DRD3: variants seen among roughly 807,000 people sequenced by gnomAD.
DRD3 encodes the protein dopamine receptor D3.
In DRD3, 19 loss-of-function variants were observed where a neutral mutation model predicts 36.3. The observed-to-expected ratio is 0.52, with a 90% confidence interval of 0.36 to 0.77. The LOEUF (loss-of-function observed/expected upper bound fraction) is 0.77, where lower values mean the gene tolerates loss of function less well. Among genes scored for constraint, DRD3 ranks in the 30% least tolerant of loss-of-function variants. The pLI, the probability that DRD3 is intolerant of heterozygous loss-of-function variation, is 0.00. For missense variants in DRD3, 465 were observed against 505.3 expected, an observed-to-expected ratio of 0.92 and a Z score of 0.77; for synonymous variants, 195 against 203.7, an observed-to-expected ratio of 0.96 and a Z score of 0.36.
chr3:114,197,479 C>G (rs1451717471), intron 1 of DRD3, among the ~76,000 whole-genome samples: 1 of 151,946 alleles, frequency 6.6e-6, no homozygotes, highest in Non-Finnish European at 1.5e-5. Context: ...TTTACTAATA[C>G]TTTCCATTTA....
intron 3 of DRD3, among the ~76,000 whole-genome samples, chr3:114,152,545 T>G (rs2077627212): frequency 6.6e-6 from 1 of 152,214 alleles, no homozygotes; most frequent in Admixed American, 6.5e-5. Flanking sequence ...TTAGAATAAA[T>G]GAGGCCCCCG....
intron 5 of DRD3, among the ~76,000 whole-genome samples, chr3:114,132,491 TTCAGCAAACC>T (rs1404997211): frequency 6.6e-6 from 1 of 151,728 alleles, no homozygotes; most frequent in Admixed American, 6.6e-5. Flanking sequence ...GGTTGATAGA[TTCAGCAAACC>T]ACAATGGCAC....
chr3:114,170,117 G>C (rs543921056), intron 2 of DRD3, among the ~76,000 whole-genome samples: 2 of 152,108 alleles, frequency 1.3e-5, no homozygotes, highest in East Asian at 3.8e-4. Context: ...CACCTAAAGC[G>C]CCTCATTCTT....
chr3:114,159,426 C>A (rs1337609034), intron 3 of DRD3, among the ~76,000 whole-genome samples: 1 of 151,936 alleles, frequency 6.6e-6, no homozygotes, highest in Non-Finnish European at 1.5e-5. Context: ...GCTCACCTTT[C>A]CTCCTTCTCC....
chr3:114,154,330 T>C lies in DRD3; in HGVS notation c.383+5425A>G, dbSNP rs2077645385. ...GCCCTGTCCCAGGGTGGGAGATGTG[T>C]GTGTGTGTGTGTGTGTATGTGTGTG... On this transcript the variant is annotated intron_variant, in intron 3 of 6. Transcript: ENST00000383673. Among the ~76,000 whole-genome samples the C allele has an allele frequency of 2.0e-5, 3 of 147,790 alleles. No homozygotes were observed. The South Asian group carries it at 6.3e-4, about 31-fold the overall frequency.
intron 1 of DRD3, among the ~76,000 whole-genome samples, chr3:114,188,814 G>T (rs1423704198): frequency 6.6e-6 from 1 of 152,122 alleles, no homozygotes; most frequent in Non-Finnish European, 1.5e-5. Context: ...GGAAAAGAGG[G>T]GACACCTGAA....
chr3:114,154,519 C>G (rs889206081), intron 3 of DRD3, among the ~76,000 whole-genome samples: 9 of 152,180 alleles, frequency 5.9e-5, no homozygotes, highest in African/African-American at 1.7e-4. Context: ...ACAGGGGGCT[C>G]AATATATCTT....
intron 4 of DRD3, among the ~76,000 whole-genome samples, chr3:114,141,818 G>A (rs1004069375): frequency 1.3e-5 from 2 of 152,012 alleles, no homozygotes; most frequent in Admixed American, 6.5e-5. Context: ...TTGAGAGGCC[G>A]AGGCAGGTGG....
intron 5 of DRD3, among the ~76,000 whole-genome samples, chr3:114,139,037 C>A (rs2077499937): frequency 6.6e-6 from 1 of 152,180 alleles, no homozygotes; most frequent in African/African-American, 2.4e-5. Context: ...GCACCCTATC[C>A]CACCAGCTTG....
At chr3:114,149,785 G>A (rs1248715275) in intron 3 of DRD3, among the ~76,000 whole-genome samples, 1 of 152,220 alleles carries the variant, frequency 6.6e-6, no homozygotes, top group African/African-American at 2.4e-5. Flanking sequence ...CAGGAGCTGA[G>A]AACAGCACTG....
chr3:114,148,240 T>C (rs775618850), intron 3 of DRD3, among the ~76,000 whole-genome samples: 18 of 152,152 alleles, frequency 1.2e-4, no homozygotes, highest in Non-Finnish European at 2.4e-4. Flanking sequence ...ACACTCTGGG[T>C]GCTGGTCTGT....
At chr3:114,141,328 C>T (rs896109798) in intron 4 of DRD3, among the ~76,000 whole-genome samples, 2 of 152,294 alleles carry the variant, frequency 1.3e-5, no homozygotes, top group South Asian at 4.1e-4. Flanking sequence ...ACCACTGCAC[C>T]CAGCTGACAC....
chr3:114,180,159 T>A (rs2077938708), upstream of DRD3, among the ~76,000 whole-genome samples: 1 of 152,062 alleles, frequency 6.6e-6, no homozygotes, highest in South Asian at 2.1e-4. Flanking sequence ...TCAGAGAGAA[T>A]AATAATTATG....
chr3:114,133,420 A>G lies in DRD3; in HGVS notation c.724-2020T>C, dbSNP rs1419509561. 2.6e-5 allele frequency among the ~76,000 whole-genome samples: 4 copies of G among 152,044 alleles called. No homozygotes were observed. In the East Asian group the frequency reaches 5.8e-4, roughly 22 times the overall value. Reference sequence around the variant, plus strand: ...TGGGATTGTAGATGAAATAAGACTGACCACGAATTGATCACGACTGAGGCT... The same window carrying G: ...TGGGATTGTAGATGAAATAAGACTGGCCACGAATTGATCACGACTGAGGCT... On this transcript the variant is annotated intron_variant, in intron 5 of 6. Coordinates refer to ENST00000383673, the MANE Select transcript of DRD3 (RefSeq NM_000796.6).
chr3:114,188,427 G>T (rs1399522393), intron 1 of DRD3, among the ~76,000 whole-genome samples: 3 of 151,962 alleles, frequency 2.0e-5, no homozygotes, highest in Non-Finnish European at 4.4e-5. Context: ...GCCCAGGCTG[G>T]CCTTGAACTC....
chr3:114,136,762 T>G (rs1192449471), intron 5 of DRD3, among the ~76,000 whole-genome samples: 2 of 152,228 alleles, frequency 1.3e-5, no homozygotes, highest in East Asian at 3.8e-4. Flanking sequence ...TTCTCATATC[T>G]AACACCTCCA....
At chr3:114,140,604 C>T (rs1334222356) in intron 4 of DRD3, among the ~76,000 whole-genome samples, 3 of 152,252 alleles carry the variant, frequency 2.0e-5, no homozygotes, top group African/African-American at 7.2e-5. Flanking sequence ...TACTGTCTCT[C>T]TTTTCGGATG....
chr3:114,133,549 C>T (rs914859598), intron 5 of DRD3, among the ~76,000 whole-genome samples: 3 of 13,620 alleles, frequency 2.2e-4, no homozygotes, highest in African/African-American at 3.8e-4. Flanking sequence ...GGATTTTCTT[C>T]TCAGCTCTCT....
intron 3 of DRD3, among the ~76,000 whole-genome samples, chr3:114,152,086 G>C (rs1225893090): frequency 6.6e-6 from 1 of 152,072 alleles, no homozygotes; most frequent in Non-Finnish European, 1.5e-5. Flanking sequence ...TTTATTTTTC[G>C]ATAAGTTATT....
Sources: gnomAD v4.1 joint callset for allele counts (sites outside exome capture counted in the v4.1 genomes callset) on GRCh38, gnomAD v4.1.1 for gene constraint, MANE v1.5 for transcripts, NCBI Gene and HGNC (gene_info 2026-07-23, HGNC 2026-07-21) for gene names.